PDZRN4: variants seen among roughly 807,000 people sequenced by gnomAD.
The protein encoded by PDZRN4 is PDZ domain containing ring finger 4, also known as PDZ domain-containing RING finger protein 4.
Under a neutral mutation model 99.0 loss-of-function variants are expected in PDZRN4, and 70 were observed. That is an observed-to-expected ratio of 0.71 (90% confidence interval 0.58 to 0.86). PDZRN4 has a LOEUF of 0.86. PDZRN4 is among the 40% of genes least tolerant of loss of function. PDZRN4 has a pLI of 0.00. For missense variants in PDZRN4, 1,474 were observed against 1,331.2 expected, an observed-to-expected ratio of 1.11 and a Z score of -1.67; for synonymous variants, 551 against 501.6, an observed-to-expected ratio of 1.10 and a Z score of -1.32.
chr12:41,443,402 T>G (rs550237705), intron 3 of PDZRN4, among the ~76,000 whole-genome samples: 1 of 152,026 alleles, frequency 6.6e-6, no homozygotes, highest in Non-Finnish European at 1.5e-5. Context: ...CTATAAGCAA[T>G]AGGTATCGCT....
intron 3 of PDZRN4, among the ~76,000 whole-genome samples, chr12:41,370,894 C>T (rs74978639): frequency 0.047 from 7,056 of 151,106 alleles, 506 homozygotes; most frequent in African/African-American, 0.16. Context: ...TTATTTTTTA[C>T]GTTATTCTGC....
intron 6 of PDZRN4, among the ~76,000 whole-genome samples, chr12:41,555,240 A>AAAAAAAGAAAAG (rs1565614042): frequency 4.4e-5 from 6 of 136,566 alleles, no homozygotes; most frequent in Non-Finnish European, 9.4e-5. Context: ...CAAAAAAAAA[A>AAAAAAAGAAAAG]AAAAAAAAAG....
In PDZRN4 at chr12:41,188,891, C is replaced by T. The variant is rs1289977462; in HGVS notation, c.436C>T (p.Arg146Cys). 6 of 1,084,856 alleles carry T rather than the reference C, an allele frequency of 5.5e-6. No homozygotes were observed. The highest frequency in any genetic ancestry group is 6.7e-6 in the Non-Finnish European group (6 of 895,850). The allele number at this position is 1,084,856 out of a possible 1,614,324, so 67.2% of individuals were successfully genotyped here. ...CAGGGCTGGCCGGGGCGGGGGCGCGCGCGGGGGGCCGCCGGGCGGCCGCTG... is the reference window on the plus strand; with the variant it reads ...CAGGGCTGGCCGGGGCGGGGGCGCGTGCGGGGGGCCGCCGGGCGGCCGCTG... Reference protein sequence around the residue: ...TPRAGRGGGARGGPPGGRWGR... With the variant: ...TPRAGRGGGACGGPPGGRWGR... Residue 146 changes from arginine (R) to cysteine (C), a missense_variant, in exon 1 of 10, where the codon CGC becomes TGC. By Grantham distance (180) the Arg-to-Cys change is radical (BLOSUM62 -3). Transcript: ENST00000402685.
chr12:41,239,513 G>A (rs75717061), intron 3 of PDZRN4, among the ~76,000 whole-genome samples: 1 of 152,218 alleles, frequency 6.6e-6, no homozygotes, highest in Admixed American at 6.5e-5. Context: ...TCTGCCACCT[G>A]TTCTGTTTTC....
chr12:41,231,611 T>C (rs1951030105), intron 3 of PDZRN4, among the ~76,000 whole-genome samples: 2 of 152,116 alleles, frequency 1.3e-5, no homozygotes, highest in African/African-American at 2.4e-5. Flanking sequence ...TACTTAGTCA[T>C]TTTTACTGTT....
intron 3 of PDZRN4, among the ~76,000 whole-genome samples, chr12:41,382,565 A>C (rs1592036776): frequency 6.6e-6 from 1 of 152,294 alleles, no homozygotes; most frequent in South Asian, 2.1e-4. Flanking sequence ...CCTTATACAG[A>C]AGAGGGCCCT....
chr12:41,191,437 A>C (rs750890722), intron 1 of PDZRN4, 21 bp from the exon 2 acceptor site: 1 of 1,219,174 alleles, frequency 8.2e-7, no homozygotes, highest in Non-Finnish European at 1.2e-6. Context: ...TGGTTAAGTC[A>C]TTTTATACAT....
At chr12:41,571,335 GTCTCTCTCTCTCTCTCTC>G (rs752003607) in intron 9 of PDZRN4, among the ~76,000 whole-genome samples, 3 of 101,170 alleles carry the variant, frequency 3.0e-5, no homozygotes, top group African/African-American at 1.0e-4. Flanking sequence ...AATTACCAGA[GTCTCTCTCTCTCTCTCTC>G]TCTCTCTCTC....
rs561519021 is a variant in PDZRN4, at chr12:41,473,248, A to G, written c.844-33208A>G. ...CAACATAATACCACAATTATTTTTTATTAAGAGTAGGTCATAAATTATAAA... is the reference window on the plus strand; with the variant it reads ...CAACATAATACCACAATTATTTTTTGTTAAGAGTAGGTCATAAATTATAAA... On this transcript the variant is annotated intron_variant, in intron 3 of 9. Coordinates refer to ENST00000402685, the MANE Select transcript of PDZRN4 (RefSeq NM_001164595.2). 1.8e-4 allele frequency: 28 copies of G among 152,302 alleles called. No individual in the cohort carries two copies. In the East Asian group the frequency reaches 5.0e-3, roughly 27 times the overall value. The allele number at this position is 152,302 out of a possible 1,614,324, so 9.4% of individuals were successfully genotyped here.
chr12:41,328,136 A>T (rs2120986507), intron 3 of PDZRN4, among the ~76,000 whole-genome samples: 1 of 152,278 alleles, frequency 6.6e-6, no homozygotes, highest in South Asian at 2.1e-4. Context: ...TGAAAGATAA[A>T]GCTGAAAACA....
At chr12:41,403,459 T>C (rs1952318727) in intron 3 of PDZRN4, among the ~76,000 whole-genome samples, 1 of 152,094 alleles carries the variant, frequency 6.6e-6, no homozygotes, top group Admixed American at 6.6e-5. Flanking sequence ...GGGAAGGAAA[T>C]ATTTCGGCTG....
chr12:41,247,393 G>T (rs1329057468), intron 3 of PDZRN4, among the ~76,000 whole-genome samples: 1 of 152,176 alleles, frequency 6.6e-6, no homozygotes, highest in African/African-American at 2.4e-5. Flanking sequence ...TGTGGCTTCA[G>T]AATCTGTTTT....
At chr12:41,301,702 T>C (rs1951536692) in intron 3 of PDZRN4, among the ~76,000 whole-genome samples, 1 of 152,058 alleles carries the variant, frequency 6.6e-6, no homozygotes, top group Non-Finnish European at 1.5e-5. Flanking sequence ...TCCTTTTCAC[T>C]GTGGCATAGC....
intron 3 of PDZRN4, among the ~76,000 whole-genome samples, chr12:41,261,599 C>T (rs902382174): frequency 3.3e-5 from 5 of 152,162 alleles, no homozygotes; most frequent in Non-Finnish European, 7.4e-5. Context: ...ACGCCATTCT[C>T]CTGCCTCAGC....
chr12:41,487,167 T>C (rs1937793638), intron 3 of PDZRN4, among the ~76,000 whole-genome samples: 1 of 152,194 alleles, frequency 6.6e-6, no homozygotes, highest in South Asian at 2.1e-4. Flanking sequence ...GTAAACACTC[T>C]GAGGTCAGAG....
intron 3 of PDZRN4, among the ~76,000 whole-genome samples, chr12:41,319,571 A>C (rs1333938934): frequency 9.2e-5 from 14 of 152,190 alleles, no homozygotes; most frequent in Admixed American, 9.2e-4. Flanking sequence ...CCTTGGCACA[A>C]ATCTCTTTCC....
intron 5 of PDZRN4, among the ~76,000 whole-genome samples, chr12:41,550,172 G>A: frequency 6.6e-6 from 1 of 152,138 alleles, no homozygotes; most frequent in East Asian, 1.9e-4. Flanking sequence ...ACACCATTGA[G>A]AATGTGGAGA....
intron 3 of PDZRN4, among the ~76,000 whole-genome samples, chr12:41,407,883 C>G (rs1421390922): frequency 6.6e-6 from 1 of 151,650 alleles, no homozygotes; most frequent in Non-Finnish European, 1.5e-5. Flanking sequence ...TTTTTCTTAT[C>G]TAAGCTTTCT....
rs1951857920 is a variant in PDZRN4 at position 41,346,789 on chromosome 12, A to G, written c.843+152601A>G. Among the ~76,000 whole-genome samples the G allele has an allele frequency of 5.3e-5, 8 of 152,250 alleles. No homozygotes were observed. The Middle Eastern group carries it at 0.017, about 324-fold the overall frequency. ...TAGGACATTTTTGTCCTTCCTAAAG[A>G]AACCCCATACTATTAGCTGTCATTC... On this transcript the variant is annotated intron_variant, in intron 3 of 9. Transcript: ENST00000402685.
Sources: gnomAD v4.1 joint callset for allele counts (sites outside exome capture counted in the v4.1 genomes callset) on GRCh38, gnomAD v4.1.1 for gene constraint, MANE v1.5 for transcripts, NCBI Gene and HGNC (gene_info 2026-07-23, HGNC 2026-07-21) for gene names.